DYRK1A: variants seen among roughly 807,000 people sequenced by gnomAD.
The protein encoded by DYRK1A is dual specificity tyrosine-phosphorylation-regulated kinase 1A.
In DYRK1A, 9 loss-of-function variants were observed where a neutral mutation model predicts 79.7. That is an observed-to-expected ratio of 0.11 (90% CI 0.07 to 0.20). The LOEUF (loss-of-function observed/expected upper bound fraction) is 0.20, where lower values mean the gene tolerates loss of function less well. Ranked by LOEUF, DYRK1A falls within the 10% of genes least tolerant of loss-of-function variation. The pLI is 1.00. For missense variants in DYRK1A, 622 were observed against 956.0 expected (o/e 0.65, Z 4.61); for synonymous variants, 349 against 329.7 (o/e 1.06, Z -0.63).
chr21:37,409,966 A>G (rs1045692129), intron 1 of DYRK1A, among the ~76,000 whole-genome samples: 1 of 152,238 alleles, frequency 6.6e-6, no homozygotes, highest in Admixed American at 6.5e-5. Flanking sequence ...TTTTGTATAT[A>G]CATTTTGTAT....
At chr21:37,476,783 A>AT (rs1189894992) in intron 3 of DYRK1A, among the ~76,000 whole-genome samples, 1 of 145,896 alleles carries the variant, frequency 6.9e-6, no homozygotes, top group African/African-American at 2.6e-5. Flanking sequence ...AATTCTGATG[A>AT]TTTTTGTCAG....
chr21:37,493,927 A>ATTC (rs374997436), intron 8 of DYRK1A, among the ~76,000 whole-genome samples: 4 of 126,166 alleles, frequency 3.2e-5, no homozygotes, highest in African/African-American at 1.2e-4. Flanking sequence ...CTTCCTTTTA[A>ATTC]TTCTTCTTTT....
At chr21:37,457,394 T>G (rs1047303758) in intron 2 of DYRK1A, among the ~76,000 whole-genome samples, 2 of 152,022 alleles carry the variant, frequency 1.3e-5, no homozygotes, top group African/African-American at 4.8e-5. Flanking sequence ...CATGATCGCC[T>G]AATTGTGTGT....
intron 2 of DYRK1A, among the ~76,000 whole-genome samples, chr21:37,445,088 G>A (rs9982990): frequency 1.3e-5 from 2 of 151,912 alleles, no homozygotes; most frequent in South Asian, 2.1e-4. Flanking sequence ...GCAGGATGGC[G>A]GCAGAATCTG....
intron 2 of DYRK1A, among the ~76,000 whole-genome samples, chr21:37,444,685 C>G (rs560205096): frequency 6.6e-6 from 1 of 151,932 alleles, no homozygotes; most frequent in South Asian, 2.1e-4. Context: ...GAGAGAGGAC[C>G]GTTAGTAGAA....
rs1601351035 is a variant in DYRK1A at position 37,523,916 on chromosome 21, G to T, written c.*11385G>T. On this transcript the variant is annotated 3_prime_UTR_variant, in exon 12 of 12. Coordinates refer to ENST00000647188, the MANE Select transcript of DYRK1A (RefSeq NM_001347721.2). Reference sequence around the variant, plus strand: ...GAATATGTGGCATTCTCATCATTTTGCCCTGCCGCTCTGTGCAATGTAAAT... The same window carrying T: ...GAATATGTGGCATTCTCATCATTTTTCCCTGCCGCTCTGTGCAATGTAAAT... The T allele has an allele frequency of 6.6e-6, 1 of 152,162 alleles. No individual in the cohort carries two copies. The highest frequency in any genetic ancestry group is 6.5e-5 in the Admixed American group (1 of 15,274). 9.4% of individuals were successfully genotyped at this position (152,162 alleles called of 1,614,324 possible). A position where few individuals can be genotyped will look rare whatever the true frequency, so the allele number is the denominator to read the frequency against.
intron 3 of DYRK1A, among the ~76,000 whole-genome samples, chr21:37,474,991 A>G (rs554771652): frequency 1.2e-4 from 19 of 152,362 alleles, no homozygotes; most frequent in African/African-American, 4.3e-4. Flanking sequence ...TATAAATAAA[A>G]TGAAATAGGT....
chr21:37,413,562 C>T (rs1353927007), intron 1 of DYRK1A, among the ~76,000 whole-genome samples: 3 of 152,106 alleles, frequency 2.0e-5, no homozygotes, highest in East Asian at 3.9e-4. Context: ...TGAACATATT[C>T]TTTCTAAATG....
At chr21:37,453,693 T>A (rs2051535770) in intron 2 of DYRK1A, among the ~76,000 whole-genome samples, 1 of 152,174 alleles carries the variant, frequency 6.6e-6, no homozygotes, top group Admixed American at 6.5e-5. Flanking sequence ...CATAAACTTC[T>A]CATTGAAATG....
At chr21:37,471,438 C>T (rs1472588142) in intron 2 of DYRK1A, among the ~76,000 whole-genome samples, 4 of 152,192 alleles carry the variant, frequency 2.6e-5, no homozygotes, top group African/African-American at 4.8e-5. Flanking sequence ...ATGGTATGCT[C>T]CACAAGGTGG....
At chr21:37,511,736 C>T (rs2053754044) in intron 11 of DYRK1A, among the ~76,000 whole-genome samples, 175 bp from the exon 12 acceptor site, 1 of 152,008 alleles carries the variant, frequency 6.6e-6, no homozygotes, top group African/African-American at 2.4e-5. Context: ...AATTTTTTGC[C>T]CTTGAATGTA....
chr21:37,468,081 C>T (rs951892767), intron 2 of DYRK1A, among the ~76,000 whole-genome samples: 2 of 152,084 alleles, frequency 1.3e-5, no homozygotes, highest in African/African-American at 2.4e-5. Context: ...TGAGGTGAAT[C>T]AGGAACTTAC....
chr21:37,400,421 A>G (rs2050032184), intron 1 of DYRK1A, among the ~76,000 whole-genome samples: 1 of 152,210 alleles, frequency 6.6e-6, no homozygotes, highest in Admixed American at 6.5e-5. Flanking sequence ...CCTATAAATT[A>G]TTTGGAAAAG....
chr21:37,481,924 T>A (rs1217586771), intron 5 of DYRK1A, among the ~76,000 whole-genome samples: 1 of 152,140 alleles, frequency 6.6e-6, no homozygotes, highest in African/African-American at 2.4e-5. Context: ...TCTATCACAT[T>A]GAGTCACAGA....
intron 2 of DYRK1A, among the ~76,000 whole-genome samples, chr21:37,424,295 T>G (rs754233648): frequency 6.6e-6 from 1 of 152,186 alleles, no homozygotes; most frequent in Non-Finnish European, 1.5e-5. Context: ...GTTAAAAAGA[T>G]AGTGGATTTG....
chr21:37,401,782 C>T (rs2050059016), intron 1 of DYRK1A, among the ~76,000 whole-genome samples: 1 of 152,134 alleles, frequency 6.6e-6, no homozygotes, highest in African/African-American at 2.4e-5. Context: ...CACGCCCAGC[C>T]AATTCTAGTT....
intron 2 of DYRK1A, among the ~76,000 whole-genome samples, chr21:37,427,648 A>T (rs1242048324): frequency 6.6e-6 from 1 of 152,180 alleles, no homozygotes; most frequent in Non-Finnish European, 1.5e-5. Flanking sequence ...AGAAGTTGGA[A>T]TTGTTAAGGT....
chr21:37,510,099 A>G (rs535497598), intron 11 of DYRK1A, among the ~76,000 whole-genome samples: 5 of 152,354 alleles, frequency 3.3e-5, no homozygotes, highest in Admixed American at 1.3e-4. Context: ...CTTGGACTGT[A>G]TCTCTTGTGG....
upstream of DYRK1A, chr21:37,365,630 G>C (rs556782191): frequency 1.3e-5 from 2 of 152,162 alleles, no homozygotes; most frequent in Non-Finnish European, 2.9e-5. Flanking sequence ...AGGGAGAAGG[G>C]GTAGGGAGAA....
Sources: allele counts gnomAD v4.1 joint callset (sites outside exome capture counted in the v4.1 genomes callset), GRCh38; gene constraint gnomAD v4.1.1; transcripts MANE v1.5; gene names NCBI Gene and HGNC (gene_info 2026-07-23, HGNC 2026-07-21).